MTREX: variants seen among roughly 807,000 people sequenced by gnomAD.
MTREX encodes exosome RNA helicase MTR4.
A neutral mutation model predicts 135.4 loss-of-function variants in MTREX; 76 were observed. The ratio of observed to expected loss-of-function variants is 0.56; its 90% confidence interval spans 0.47 to 0.68. The LOEUF is 0.68. MTREX is among the 30% of genes least tolerant of loss of function. The pLI is 0.00. For synonymous variants in MTREX, 404 were observed against 401.6 expected (o/e 1.01, Z -0.07); for missense variants, 920 against 1,262.1 (o/e 0.73, Z 4.11).
intron 12 of MTREX, among the ~76,000 whole-genome samples, chr5:55,350,258 A>C (rs1215331986): frequency 1.3e-5 from 2 of 152,198 alleles, no homozygotes; most frequent in African/African-American, 2.4e-5. Flanking sequence ...AAACATTGGG[A>C]GATCATCATA....
At chr5:55,423,041 G>C (rs767584221) in intron 26 of MTREX, 59 bp downstream of exon 26, 5 of 1,354,348 alleles carry the variant, frequency 3.7e-6, no homozygotes, top group South Asian at 2.5e-5. Context: ...AGCAAATCTT[G>C]AGCCCTGGAC....
rs59391157 is a variant in MTREX, at chr5:55,364,590, G to A, written c.1660-2135G>A. Among the ~76,000 whole-genome samples, 720 of 152,250 alleles carry A rather than the reference G, an allele frequency of 4.7e-3. 5 individuals carry two copies. Among genetic ancestry groups the A allele is most frequent in the African/African-American group, 0.016 (667 of 41,542 alleles). On this transcript the variant is annotated intron_variant, in intron 15 of 26. Transcript: ENST00000230640. ...TGTTTAGGAAGATTCATCTGGCAGC[G>A]GCAAGTCAAACTGGAAAGGACATTG...
In MTREX at chr5:55,410,602, A is replaced by G; in HGVS notation, c.2724A>G (p.Leu908=). 1.2e-6 allele frequency: 2 copies of G among 1,608,392 alleles called. No homozygotes were observed. Among genetic ancestry groups the G allele is most frequent in the Non-Finnish European group, 1.7e-6 (2 of 1,176,296 alleles). Reference sequence around the variant, plus strand: ...TTTCTGCAGAACAGGCAACAGCATTATTAAGCTGCTTTGTGTTTCAAGAGA... The same window carrying G: ...TTTCTGCAGAACAGGCAACAGCATTGTTAAGCTGCTTTGTGTTTCAAGAGA... ...NDLSAEQATA[L]LSCFVFQENS... The change falls in exon 23 of 27, where the codon TTA becomes TTG. Residue 908 remains leucine, a synonymous_variant. Transcript: ENST00000230640.
intron 18 of MTREX, among the ~76,000 whole-genome samples, chr5:55,383,903 G>A (rs976578886): frequency 9.9e-5 from 15 of 152,070 alleles, no homozygotes; most frequent in Admixed American, 9.2e-4. Flanking sequence ...CTGAGTAGCT[G>A]GGACTACAGG....
chr5:55,339,987 A>C, intron 5 of MTREX, 23 bp from the exon 6 acceptor site: 1 of 1,446,328 alleles, frequency 6.9e-7, no homozygotes, highest in African/African-American at 1.5e-5. Flanking sequence ...AAGTTGTATG[A>C]TTATTTGTTT....
At chr5:55,316,710 T>G (rs1749203880) in intron 1 of MTREX, among the ~76,000 whole-genome samples, 1 of 152,198 alleles carries the variant, frequency 6.6e-6, no homozygotes, top group South Asian at 2.1e-4. Context: ...AGCATTCCCC[T>G]TGAAAACTGG....
At chr5:55,336,476 T>C (rs750136684) in intron 5 of MTREX, among the ~76,000 whole-genome samples, 8 of 152,244 alleles carry the variant, frequency 5.3e-5, no homozygotes, top group Non-Finnish European at 1.0e-4. Flanking sequence ...GATTTTTCCA[T>C]CTATTGAGGA....
intron 15 of MTREX, among the ~76,000 whole-genome samples, chr5:55,359,373 T>G (rs1190782614): frequency 6.6e-6 from 1 of 152,218 alleles, no homozygotes; most frequent in Non-Finnish European, 1.5e-5. Flanking sequence ...TGCCAGCTTA[T>G]TAGCTACTTA....
intron 15 of MTREX, among the ~76,000 whole-genome samples, chr5:55,361,980 A>C (rs1204628696): frequency 6.7e-6 from 1 of 150,088 alleles, no homozygotes; most frequent in Non-Finnish European, 1.5e-5. Context: ...GCAGTGGTGC[A>C]GTCTCGGCTC....
intron 15 of MTREX, among the ~76,000 whole-genome samples, chr5:55,361,629 AT>A (rs543015977): frequency 6.7e-6 from 1 of 149,784 alleles, no homozygotes; most frequent in South Asian, 2.1e-4. Flanking sequence ...TAATTTTTGT[AT>A]TTTTTTTAGT....
chr5:55,353,377 A>G, intron 14 of MTREX, 108 bp downstream of exon 14: 1 of 642,302 alleles, frequency 1.6e-6, no homozygotes, highest in South Asian at 2.2e-5. Flanking sequence ...TAAGAACTTG[A>G]ACCTGAGCTA....
chr5:55,406,677 G>A (rs1266557102), intron 22 of MTREX, among the ~76,000 whole-genome samples: 1 of 152,108 alleles, frequency 6.6e-6, no homozygotes, highest in Admixed American at 6.6e-5. Flanking sequence ...ATTGTTCTGT[G>A]TCTACACTGT....
At chr5:55,309,360 G>A (rs967780793) in intron 1 of MTREX, among the ~76,000 whole-genome samples, 8 of 152,082 alleles carry the variant, frequency 5.3e-5, no homozygotes, top group African/African-American at 1.9e-4. Flanking sequence ...ATTTGGCAGT[G>A]GTTGGCAGAG....
At chr5:55,356,391 T>C (rs12652266) in intron 14 of MTREX, 25,115 of 183,994 alleles carry the variant, frequency 0.14, 2,178 homozygotes, top group East Asian at 0.26. Flanking sequence ...GCCTGTCAAG[T>C]GGCTTTAACA....
At chr5:55,398,586 A>C (rs529834983) in intron 20 of MTREX, among the ~76,000 whole-genome samples, 2 of 152,260 alleles carry the variant, frequency 1.3e-5, no homozygotes, top group Non-Finnish European at 2.9e-5. Flanking sequence ...TCAGAATAGC[A>C]CAGTTTTGAG....
At chr5:55,364,685 A>G (rs771369145) in intron 15 of MTREX, among the ~76,000 whole-genome samples, 6 of 152,210 alleles carry the variant, frequency 3.9e-5, no homozygotes, top group East Asian at 1.9e-4. Flanking sequence ...TAATCTAGGT[A>G]TGATTTGATG....
chr5:55,400,104 A>G (rs2111590475), intron 20 of MTREX, 129 bp from the exon 21 acceptor site: 1 of 621,316 alleles, frequency 1.6e-6, no homozygotes, highest in East Asian at 2.9e-5. Flanking sequence ...TAAATTGGCA[A>G]AAGACAAAAT....
chr5:55,394,554 T>C (rs802848), intron 19 of MTREX, among the ~76,000 whole-genome samples: 130,620 of 152,064 alleles, frequency 0.86, 56,508 homozygotes, highest in South Asian at 0.92. Context: ...CCCTTGCATG[T>C]GCCATGTTTG....
intron 19 of MTREX, among the ~76,000 whole-genome samples, chr5:55,389,580 A>G (rs529297954): frequency 1.8e-4 from 28 of 152,336 alleles, no homozygotes; most frequent in African/African-American, 6.0e-4. Flanking sequence ...TTGTGCTTCA[A>G]AACTGCTCAG....
Sources: gnomAD v4.1 joint callset for allele counts (sites outside exome capture counted in the v4.1 genomes callset) on GRCh38, gnomAD v4.1.1 for gene constraint, MANE v1.5 for transcripts, NCBI Gene and HGNC (gene_info 2026-07-23, HGNC 2026-07-21) for gene names.